Variants in ZDHHC14 observed in about 807,000 individuals in gnomAD.
ZDHHC14 encodes the protein palmitoyltransferase ZDHHC14.
ZDHHC14 carries 16 observed loss-of-function variants against 47.7 expected under a neutral mutation model. That is an observed-to-expected ratio of 0.34 (90% CI 0.23 to 0.51). ZDHHC14 has a LOEUF of 0.51. Ranked by LOEUF, ZDHHC14 falls within the 20% of genes least tolerant of loss-of-function variation. ZDHHC14 has a pLI of 0.97. For missense variants in ZDHHC14, 515 were observed against 662.5 expected (o/e 0.78, Z 2.44); for synonymous variants, 293 against 278.9 (o/e 1.05, Z -0.50).
At chr6:157,536,065 G>A (rs1342372895) in intron 1 of ZDHHC14, among the ~76,000 whole-genome samples, 1 of 152,146 alleles carries the variant, frequency 6.6e-6, no homozygotes, top group Admixed American at 6.5e-5. Context: ...ATTGGCTCAG[G>A]TTATTTCATT....
At chr6:157,590,487 C>T (rs911125526) in intron 2 of ZDHHC14, among the ~76,000 whole-genome samples, 1 of 152,214 alleles carries the variant, frequency 6.6e-6, no homozygotes, top group South Asian at 2.1e-4. Flanking sequence ...AAGCCCCAAG[C>T]CTTGGTAGCT....
intron 1 of ZDHHC14, among the ~76,000 whole-genome samples, chr6:157,472,120 G>A (rs546233977): frequency 6.6e-5 from 10 of 152,292 alleles, no homozygotes; most frequent in African/African-American, 2.4e-4. Context: ...GGGTCGGGGT[G>A]CTCAGGCCTG....
intron 3 of ZDHHC14, among the ~76,000 whole-genome samples, chr6:157,620,879 T>C (rs1370836521): frequency 6.6e-6 from 1 of 152,240 alleles, no homozygotes; most frequent in Non-Finnish European, 1.5e-5. Flanking sequence ...TGCTGACTCC[T>C]CCATCTGCAC....
intron 3 of ZDHHC14, among the ~76,000 whole-genome samples, chr6:157,608,227 C>T (rs942452562): frequency 1.3e-5 from 2 of 152,178 alleles, no homozygotes; most frequent in African/African-American, 2.4e-5. Flanking sequence ...GCGAGAAGCA[C>T]GTCATTCATT....
At chr6:157,382,964 C>T (rs534356525) in intron 1 of ZDHHC14, among the ~76,000 whole-genome samples, 1 of 152,250 alleles carries the variant, frequency 6.6e-6, no homozygotes, top group Admixed American at 6.5e-5. Flanking sequence ...GAAAGGAGAC[C>T]TTAGGTCTGT....
chr6:157,542,787 C>T, intron 2 of ZDHHC14, 42 bp downstream of exon 2: 1 of 1,598,992 alleles, frequency 6.3e-7, no homozygotes, highest in East Asian at 2.2e-5. Flanking sequence ...TCACTTCCCG[C>T]CTGGGCCCAG....
chr6:157,610,093 A>G (rs1583015456), intron 3 of ZDHHC14, among the ~76,000 whole-genome samples: 2 of 152,162 alleles, frequency 1.3e-5, no homozygotes, highest in Non-Finnish European at 2.9e-5. Flanking sequence ...ACCCCCAACC[A>G]CCTTAAATAT....
chr6:157,501,453 C>T (rs1490829614), intron 1 of ZDHHC14, among the ~76,000 whole-genome samples: 1 of 149,496 alleles, frequency 6.7e-6, no homozygotes, highest in Non-Finnish European at 1.5e-5. Context: ...TCTAAATTAG[C>T]TGTATCTTTC....
intron 1 of ZDHHC14, among the ~76,000 whole-genome samples, chr6:157,484,478 A>G (rs1225168561): frequency 7.3e-6 from 1 of 137,896 alleles, no homozygotes; most frequent in Non-Finnish European, 1.6e-5. Context: ...ATATATTTAT[A>G]TATACACACA....
At chr6:157,433,092 G>A (rs965054916) in intron 1 of ZDHHC14, among the ~76,000 whole-genome samples, 4 of 152,250 alleles carry the variant, frequency 2.6e-5, no homozygotes, top group Middle Eastern at 6.3e-3. Context: ...TACATGGCCT[G>A]TGTGGTCACT....
Position 157,647,198 on chromosome 6 carries a change from C to T in ZDHHC14, c.856-61C>T, listed in dbSNP as rs1777595617. 7 of 1,150,006 alleles carry T rather than the reference C, an allele frequency of 6.1e-6. No homozygotes were observed. The Admixed American group carries it at 7.1e-5, about 12-fold the overall frequency. 71.2% of individuals were successfully genotyped at this position (1,150,006 alleles called of 1,614,324 possible). A position where few individuals can be genotyped will look rare whatever the true frequency, so the allele number is the denominator to read the frequency against. On this transcript the variant is annotated intron_variant, in intron 6 of 8. Coordinates refer to ENST00000359775, the MANE Select transcript of ZDHHC14 (RefSeq NM_024630.3). ...TTTATGAGCCTCTCATGGTCCAGCTCACCTCAACTGTGCGTTGGTGTGGAA... is the reference window on the plus strand; with the variant it reads ...TTTATGAGCCTCTCATGGTCCAGCTTACCTCAACTGTGCGTTGGTGTGGAA...
chr6:157,406,359 A>G (rs1777763430), intron 1 of ZDHHC14, among the ~76,000 whole-genome samples: 1 of 152,262 alleles, frequency 6.6e-6, no homozygotes, highest in South Asian at 2.1e-4. Flanking sequence ...TATAAGTAGG[A>G]TCATAATTCT....
chr6:157,509,005 C>T (rs1238076867), intron 1 of ZDHHC14, among the ~76,000 whole-genome samples: 4 of 152,200 alleles, frequency 2.6e-5, no homozygotes, highest in Admixed American at 6.5e-5. Flanking sequence ...CCCGTTTCTT[C>T]CCGGCTGTTG....
At chr6:157,412,763 A>C (rs1469097943) in intron 1 of ZDHHC14, among the ~76,000 whole-genome samples, 3 of 152,242 alleles carry the variant, frequency 2.0e-5, no homozygotes, top group Admixed American at 2.0e-4. Context: ...ACGTAGGTGC[A>C]CGCCCACGTC....
rs200367153 is a variant in ZDHHC14, at chr6:157,558,795, AG to A, written c.406+16051del. 6.2e-3 allele frequency among the ~76,000 whole-genome samples: 928 copies of A among 149,674 alleles called. 12 individuals carry two copies. Among genetic ancestry groups the A allele is most frequent in the African/African-American group, 0.022 (881 of 40,706 alleles). ...TGAACTTTGGTGGTAAAAAAAAAAA[AG>A]CAAACAAACAATAAAACAAAGTTCA... is the stretch of plus-strand genomic sequence containing the variant. On this transcript the variant is annotated intron_variant, in intron 2 of 8. Coordinates refer to ENST00000359775, the MANE Select transcript of ZDHHC14 (RefSeq NM_024630.3).
chr6:157,455,465 G>A (rs1459034031), intron 1 of ZDHHC14, among the ~76,000 whole-genome samples: 3 of 152,224 alleles, frequency 2.0e-5, no homozygotes, highest in East Asian at 3.8e-4. Flanking sequence ...AATGAAGCAG[G>A]TGAACCACAT....
chr6:157,610,921 A>C (rs958418911), intron 3 of ZDHHC14, among the ~76,000 whole-genome samples: 1 of 152,248 alleles, frequency 6.6e-6, no homozygotes, highest in African/African-American at 2.4e-5. Flanking sequence ...AAGCAGAATC[A>C]CTGCCTGGTC....
chr6:157,591,056 G>T (rs35578079), intron 2 of ZDHHC14, among the ~76,000 whole-genome samples: 44,592 of 152,142 alleles, frequency 0.29, 6,909 homozygotes, highest in East Asian at 0.57. Context: ...TTTGGAACAG[G>T]TTTATTTTAC....
intron 1 of ZDHHC14, among the ~76,000 whole-genome samples, chr6:157,434,140 G>A (rs919312736): frequency 6.6e-6 from 1 of 151,792 alleles, no homozygotes; most frequent in East Asian, 1.9e-4. Context: ...AGAAAATAGA[G>A]AAGAAAAACG....
Sources: allele counts gnomAD v4.1 joint callset (sites outside exome capture counted in the v4.1 genomes callset), GRCh38; gene constraint gnomAD v4.1.1; transcripts MANE v1.5; gene names NCBI Gene and HGNC (gene_info 2026-07-23, HGNC 2026-07-21).